Variants in NDEL1 observed in about 807,000 individuals in gnomAD.
The protein encoded by NDEL1 is nudE neurodevelopment protein 1 like 1.
A neutral mutation model predicts 45.7 loss-of-function variants in NDEL1; 9 were observed. That is an observed-to-expected ratio of 0.20 (90% CI 0.12 to 0.34). The LOEUF (loss-of-function observed/expected upper bound fraction) is 0.34. NDEL1 is among the 10% of genes least tolerant of loss of function. The pLI is 1.00. For missense variants in NDEL1, 306 were observed against 406.2 expected (o/e 0.75, Z 2.12); for synonymous variants, 133 against 158.6 (o/e 0.84, Z 1.21).
chr17:8,432,353 A>ATATTAT (rs1567722399), upstream of NDEL1, among the ~76,000 whole-genome samples: 1 of 5,886 alleles, frequency 1.7e-4, no homozygotes, highest in Non-Finnish European at 1.1e-3. Context: ...TATAAATATA[A>ATATTAT]ATATAAATAT....
At chr17:8,451,029 C>A in intron 6 of NDEL1, 76 bp downstream of exon 6, 1 of 1,432,512 alleles carries the variant, frequency 7.0e-7, no homozygotes, top group Non-Finnish European at 9.3e-7. Flanking sequence ...AAGGCGGTTG[C>A]TAAGGTTTAA....
At chr17:8,470,628 G>A (rs1331131278), downstream of NDEL1, among the ~76,000 whole-genome samples, 1 of 152,186 alleles carries the variant, frequency 6.6e-6, no homozygotes, top group Non-Finnish European at 1.5e-5. The surrounding 1 kb of genome is among the most constrained non-coding windows in gnomAD (Gnocchi z 4.2). Context: ...CAATGGGCCC[G>A]GGTTTGAGTT....
intron 3 of NDEL1, 124 bp from the exon 4 acceptor site, chr17:8,446,630 G>A: frequency 2.2e-6 from 2 of 926,314 alleles, no homozygotes; most frequent in Non-Finnish European, 3.1e-6. Context: ...TGTTTTTAAA[G>A]TAATTGTTAC....
chr17:8,447,847 G>GCTAGT (rs1910181554), intron 4 of NDEL1, among the ~76,000 whole-genome samples: 1 of 152,096 alleles, frequency 6.6e-6, no homozygotes, highest in African/African-American at 2.4e-5. Flanking sequence ...CAGATGCGGA[G>GCTAGT]CTAGTCTGGT....
intron 8 of NDEL1, among the ~76,000 whole-genome samples, chr17:8,463,730 C>T (rs916758974): frequency 2.6e-5 from 4 of 152,220 alleles, no homozygotes; most frequent in African/African-American, 9.7e-5. Flanking sequence ...TCCCGTTACC[C>T]AGTTGCTTCT....
chr17:8,442,904 C>T (rs980431503), intron 1 of NDEL1, among the ~76,000 whole-genome samples: 2 of 151,692 alleles, frequency 1.3e-5, no homozygotes, highest in African/African-American at 2.4e-5. Context: ...ATTCTCCTCC[C>T]GAGTAGGTGG....
At chr17:8,434,779 A>G (rs1360250916), upstream of NDEL1, among the ~76,000 whole-genome samples, 2 of 151,418 alleles carry the variant, frequency 1.3e-5, no homozygotes, top group African/African-American at 2.4e-5. Context: ...AACATTAATA[A>G]TGCAAGATGG....
chr17:8,447,243 A>G (rs1910142449), intron 4 of NDEL1, among the ~76,000 whole-genome samples: 1 of 152,148 alleles, frequency 6.6e-6, no homozygotes, highest in African/African-American at 2.4e-5. Context: ...CCCAGATTCA[A>G]GCGATTCTTG....
chr17:8,417,804 G>A lies in NDEL1; in HGVS notation c.-13+4535G>A, dbSNP rs116144296. 6.4e-3 allele frequency among the ~76,000 whole-genome samples: 972 copies of A among 152,216 alleles called. 16 individuals carry two copies. The highest frequency in any genetic ancestry group is 0.02 in the African/African-American group (851 of 41,528). Reference sequence around the variant, plus strand: ...TATGTAGTGACTTAACCCTGCCCTCGGATGTGTCCAGTCTCCCCAGATCTG... The same window carrying A: ...TATGTAGTGACTTAACCCTGCCCTCAGATGTGTCCAGTCTCCCCAGATCTG... On this transcript the variant is annotated intron_variant, in intron 1 of 4. Coordinates refer to the NDEL1 transcript ENST00000582812.
At chr17:8,427,182 G>A (rs1283292780) in intron 1 of NDEL1, among the ~76,000 whole-genome samples, 2 of 152,358 alleles carry the variant, frequency 1.3e-5, no homozygotes, top group African/African-American at 2.4e-5. Context: ...AAACTGATGG[G>A]AGAGCTGAGG....
rs549635059 is a variant in NDEL1 at position 8,473,509 on chromosome 17, A to G, written c.417+13349A>G. ...CCCAGAGTTCTTACTTTTTGAGAAA[A>G]ACAAGCCTCTGAATTCTGTACACTC... On this transcript the variant is annotated intron_variant, in intron 3 of 3. Coordinates refer to the NDEL1 transcript ENST00000581679. 5.9e-5 allele frequency among the ~76,000 whole-genome samples: 9 copies of G among 152,212 alleles called. No homozygotes were observed. In the South Asian group the frequency reaches 1.5e-3, roughly 25 times the overall value.
chr17:8,472,996 G>A (rs200301356), downstream of NDEL1, among the ~76,000 whole-genome samples: 13 of 152,156 alleles, frequency 8.5e-5, no homozygotes, highest in East Asian at 3.9e-4. Flanking sequence ...AATGCCCAAC[G>A]AAGGTTGTAT....
intron 1 of NDEL1, among the ~76,000 whole-genome samples, chr17:8,422,805 C>T (rs896833577): frequency 2.0e-5 from 3 of 150,868 alleles, no homozygotes; most frequent in South Asian, 2.1e-4. Flanking sequence ...GGTGCGATCT[C>T]GGCTCACTGC....
At chr17:8,438,796 G>A (rs1429209596) in intron 1 of NDEL1, among the ~76,000 whole-genome samples, 3 of 151,916 alleles carry the variant, frequency 2.0e-5, no homozygotes, top group Admixed American at 1.3e-4. Context: ...ATTAATATGC[G>A]CGAGCCACTG....
chr17:8,454,723 T>G, intron 6 of NDEL1, 73 bp from the exon 7 acceptor site: 1 of 1,088,604 alleles, frequency 9.2e-7, no homozygotes, highest in Non-Finnish European at 1.4e-6. Context: ...TACACTACTT[T>G]GTAACATCAA....
At chr17:8,418,682 ATCTC>A (rs1274567225) in intron 1 of NDEL1, among the ~76,000 whole-genome samples, 4 of 97,982 alleles carry the variant, frequency 4.1e-5, no homozygotes, top group Non-Finnish European at 6.3e-5. Flanking sequence ...TCCCTCCTTC[ATCTC>A]TCTCTCTCTT....
At chr17:8,474,111 AGGGCC>A in intron 3 of NDEL1, 1 of 152,596 alleles carries the variant, frequency 6.6e-6, no homozygotes, top group Non-Finnish European at 1.5e-5. Flanking sequence ...CTCAGCAAAA[AGGGCC>A]TGGCGCCATC....
intron 8 of NDEL1, among the ~76,000 whole-genome samples, chr17:8,462,535 G>A (rs765539543): frequency 2.0e-5 from 3 of 152,118 alleles, no homozygotes; most frequent in Admixed American, 1.3e-4. Context: ...TGTAGCAGCC[G>A]CAAAAGGAAG....
At chr17:8,437,142 C>T (rs971256436) in intron 1 of NDEL1, among the ~76,000 whole-genome samples, 4 of 152,110 alleles carry the variant, frequency 2.6e-5, no homozygotes, top group Non-Finnish European at 5.9e-5. Context: ...TTTGCTAAAT[C>T]GTGAAGTTGA....
Sources: gnomAD v4.1 joint callset for allele counts (sites outside exome capture counted in the v4.1 genomes callset) on GRCh38, gnomAD v4.1.1 for gene constraint, Gnocchi (gnomAD v3.1) non-coding constraint, MANE v1.5 for transcripts, NCBI Gene and HGNC (gene_info 2026-07-23, HGNC 2026-07-21) for gene names.